AUTS2: variants seen among roughly 807,000 people sequenced by gnomAD.
AUTS2 encodes activator of transcription and developmental regulator AUTS2.
AUTS2 carries 17 observed loss-of-function variants against 112.4 expected under a neutral mutation model. The ratio of observed to expected loss-of-function variants is 0.15; its 90% CI spans 0.10 to 0.23. AUTS2 has a LOEUF of 0.23. AUTS2 is among the 10% of genes least tolerant of loss of function. The pLI, the probability that AUTS2 is intolerant of heterozygous loss-of-function variation, is 1.00. For synonymous variants in AUTS2, 751 were observed against 702.7 expected (o/e 1.07, Z -1.09); for missense variants, 1,510 against 1,701.6 (o/e 0.89, Z 1.98).
chr7:70,001,713 T>A (rs1799203696), intron 2 of AUTS2, among the ~76,000 whole-genome samples: 1 of 149,108 alleles, frequency 6.7e-6, no homozygotes, highest in African/African-American at 2.5e-5. Context: ...TTGTCATATT[T>A]TTTTTTTTTT....
At chr7:70,037,315 T>C (rs2129557305) in intron 2 of AUTS2, among the ~76,000 whole-genome samples, 1 of 152,332 alleles carries the variant, frequency 6.6e-6, no homozygotes, top group South Asian at 2.1e-4. Context: ...TGAATATCTG[T>C]ACAACATGAG....
At chr7:69,815,176 C>T (rs576636884) in intron 1 of AUTS2, among the ~76,000 whole-genome samples, 3 of 152,160 alleles carry the variant, frequency 2.0e-5, no homozygotes, top group South Asian at 4.1e-4. Flanking sequence ...AGCTGATGTG[C>T]GTTGCTCCAT....
At chr7:70,615,565 C>CTTGTTGTTGTTGTTG (rs57037063) in intron 5 of AUTS2, among the ~76,000 whole-genome samples, 11 of 148,590 alleles carry the variant, frequency 7.4e-5, no homozygotes, top group South Asian at 6.6e-4. Flanking sequence ...AGATTTATGG[C>CTTGTTGTTGTTGTTG]TTGTTGTTGT....
intron 2 of AUTS2, among the ~76,000 whole-genome samples, chr7:70,038,227 T>C (rs1318027213): frequency 6.6e-6 from 1 of 152,130 alleles, no homozygotes; most frequent in Non-Finnish European, 1.5e-5. Flanking sequence ...AAACCAAGCA[T>C]TTCAAAGTAC....
intron 5 of AUTS2, among the ~76,000 whole-genome samples, chr7:70,491,400 G>T (rs1798223144): frequency 7.7e-6 from 1 of 129,502 alleles, no homozygotes; most frequent in Non-Finnish European, 1.6e-5. Context: ...AAATGACTTG[G>T]TGTGTGTGCG....
chr7:70,373,446 A>T (rs556436363), intron 4 of AUTS2, among the ~76,000 whole-genome samples: 9 of 152,118 alleles, frequency 5.9e-5, no homozygotes, highest in African/African-American at 1.4e-4. Flanking sequence ...TTATTTATTT[A>T]TTTTTTTGGT....
intron 2 of AUTS2, among the ~76,000 whole-genome samples, chr7:69,959,550 A>T (rs1035924461): frequency 6.6e-6 from 1 of 152,020 alleles, no homozygotes; most frequent in Non-Finnish European, 1.5e-5. Flanking sequence ...TGGATCTCGG[A>T]CTTTGTTATC....
intron 2 of AUTS2, among the ~76,000 whole-genome samples, chr7:70,099,052 C>T (rs1448212691): frequency 6.6e-6 from 1 of 152,040 alleles, no homozygotes; most frequent in Admixed American, 6.6e-5. Flanking sequence ...TTTTGTCATA[C>T]ATTGTTGGTC....
chr7:70,475,952 C>T (rs759300057), intron 5 of AUTS2, among the ~76,000 whole-genome samples: 2 of 152,030 alleles, frequency 1.3e-5, no homozygotes, highest in Non-Finnish European at 2.9e-5. Context: ...CTGTTAGAGC[C>T]CAGGAGGTGA....
intron 2 of AUTS2, among the ~76,000 whole-genome samples, chr7:69,923,433 G>T (rs1464261559): frequency 1.3e-5 from 2 of 152,072 alleles, no homozygotes; most frequent in Non-Finnish European, 2.9e-5. Context: ...CATAGTTTTG[G>T]CTTTTTAAGA....
chr7:70,256,209 G>C (rs911855457), intron 4 of AUTS2, among the ~76,000 whole-genome samples: 1 of 152,138 alleles, frequency 6.6e-6, no homozygotes, highest in Admixed American at 6.5e-5. Context: ...CTTCCTCCTT[G>C]ATGTTTCTGT....
Position 70,792,495 on chromosome 7 carries a change from A to G in AUTS2, c.*1499A>G, listed in dbSNP as rs1450930827. On this transcript the variant is annotated 3_prime_UTR_variant, in exon 19 of 19. Coordinates refer to ENST00000342771, the MANE Select transcript of AUTS2 (RefSeq NM_015570.4). ...TTGTTATCCTGTTTTTGCAAAAAAA[A>G]AAAAAAAAAAAAGTTAACTACAGAC... 6.6e-6 allele frequency: 1 copy of G among 152,044 alleles called. No individual in the cohort carries two copies. Among genetic ancestry groups the G allele is most frequent in the Non-Finnish European group, 1.5e-5 (1 of 67,888 alleles). 9.4% of individuals were successfully genotyped at this position (152,044 alleles called of 1,614,324 possible).
At chr7:69,614,312 G>GTC (rs551728935) in intron 1 of AUTS2, among the ~76,000 whole-genome samples, 2 of 79,456 alleles carry the variant, frequency 2.5e-5, no homozygotes, top group African/African-American at 1.0e-4. Flanking sequence ...GTCACTCTCC[G>GTC]TCTCTTTCTT....
chr7:70,417,492 C>T (rs1212314059), intron 4 of AUTS2, among the ~76,000 whole-genome samples: 1 of 152,176 alleles, frequency 6.6e-6, no homozygotes, highest in Non-Finnish European at 1.5e-5. Flanking sequence ...TTGGAGAGCA[C>T]ACTTGTCGTC....
chr7:70,735,608 C>T (rs1194463860), intron 6 of AUTS2, among the ~76,000 whole-genome samples: 2 of 152,134 alleles, frequency 1.3e-5, no homozygotes, highest in Non-Finnish European at 2.9e-5. Context: ...GGGAATGCAT[C>T]GGTAGCCTAA....
At chr7:70,587,683 T>C (rs887165790) in intron 5 of AUTS2, among the ~76,000 whole-genome samples, 8 of 152,230 alleles carry the variant, frequency 5.3e-5, no homozygotes, top group Non-Finnish European at 1.0e-4. Context: ...ACAGTCACCC[T>C]TTGAGGTGGG....
At chr7:70,305,945 A>G (rs1298498024) in intron 4 of AUTS2, among the ~76,000 whole-genome samples, 2 of 152,256 alleles carry the variant, frequency 1.3e-5, no homozygotes, top group Non-Finnish European at 2.9e-5. Flanking sequence ...GGATTCAGGA[A>G]AGAAAATAAA....
At chr7:69,717,002 C>T (rs1029307492) in intron 1 of AUTS2, among the ~76,000 whole-genome samples, 4 of 152,210 alleles carry the variant, frequency 2.6e-5, no homozygotes, top group Middle Eastern at 3.4e-3. Flanking sequence ...TTAGCTCTTG[C>T]GAAGCTCATT....
intron 1 of AUTS2, among the ~76,000 whole-genome samples, chr7:69,815,950 C>G (rs1584286344): frequency 6.6e-6 from 1 of 152,202 alleles, no homozygotes; most frequent in East Asian, 1.9e-4. Context: ...AGATGACTTC[C>G]TGTTGGAAGC....
Sources: gnomAD v4.1 joint callset for allele counts (sites outside exome capture counted in the v4.1 genomes callset) on GRCh38, gnomAD v4.1.1 for gene constraint, MANE v1.5 for transcripts, NCBI Gene and HGNC (gene_info 2026-07-23, HGNC 2026-07-21) for gene names.